FOXP1: variants seen among roughly 807,000 people sequenced by gnomAD.
The protein encoded by FOXP1 is forkhead box protein P1.
In FOXP1, 15 loss-of-function variants were observed where a neutral mutation model predicts 98.2. That is an observed-to-expected ratio of 0.15 (90% CI 0.10 to 0.24). The LOEUF (loss-of-function observed/expected upper bound fraction) is 0.24. FOXP1 is among the 10% of genes least tolerant of loss of function. FOXP1 has a pLI of 1.00. For synonymous variants in FOXP1, 371 were observed against 314.5 expected (o/e 1.18, Z -1.90); for missense variants, 633 against 848.5 (o/e 0.75, Z 3.15).
chr3:71,503,070 G>A (rs1391309968), intron 2 of FOXP1, among the ~76,000 whole-genome samples: 1 of 151,060 alleles, frequency 6.6e-6, no homozygotes, highest in Non-Finnish European at 1.5e-5. Flanking sequence ...AAAGAGTTAA[G>A]AGAAGAAAAA....
At chr3:71,574,268 A>G (rs1217399665) in intron 2 of FOXP1, 1 of 152,226 alleles carries the variant, frequency 6.6e-6, no homozygotes, top group Non-Finnish European at 1.5e-5. Context: ...GCCACACCTA[A>G]AGCCAAAATG....
At chr3:71,544,207 A>G (rs1223901686) in intron 2 of FOXP1, among the ~76,000 whole-genome samples, 5 of 151,814 alleles carry the variant, frequency 3.3e-5, no homozygotes, top group Admixed American at 6.6e-5. Flanking sequence ...AAAAATATAT[A>G]AATCCTTCTA....
At chr3:71,513,660 G>A (rs1403439239) in intron 2 of FOXP1, among the ~76,000 whole-genome samples, 3 of 152,198 alleles carry the variant, frequency 2.0e-5, no homozygotes, top group African/African-American at 7.2e-5. Context: ...AGGTGTGAAA[G>A]TTCATGATGT....
chr3:71,015,630 T>C lies in FOXP1; in HGVS notation c.893A>G (p.His298Arg). ...ACCATGTCCATAGAGAGGATGGCTA[T>C]GGGGGTGCTCCTCATGGGACAAACT... ...RESLSHEEHPHSHPLYGHGVC... is the reference protein window; with the variant it reads ...RESLSHEEHPRSHPLYGHGVC... The change falls in exon 12 of 21, where the codon CAT (histidine) becomes CGT (arginine). Residue 298 changes from histidine to arginine, a missense_variant. Transcript: ENST00000649528. The C allele has an allele frequency of 6.2e-7, 1 of 1,612,428 alleles. No individual in the cohort carries two copies. Among genetic ancestry groups the C allele is most frequent in the Non-Finnish European group, 8.5e-7 (1 of 1,178,654 alleles).
At chr3:71,087,970 T>C (rs1292923989) in intron 7 of FOXP1, among the ~76,000 whole-genome samples, 1 of 152,194 alleles carries the variant, frequency 6.6e-6, no homozygotes, top group South Asian at 2.1e-4. Flanking sequence ...CACGGCATAA[T>C]GTACCTCCCA....
At chr3:71,028,313 A>C (rs993081153) in intron 11 of FOXP1, among the ~76,000 whole-genome samples, 1 of 152,214 alleles carries the variant, frequency 6.6e-6, no homozygotes, top group African/African-American at 2.4e-5. Context: ...CCACACCATA[A>C]GGATACCAGG....
intron 12 of FOXP1, among the ~76,000 whole-genome samples, chr3:71,006,356 T>C (rs2042811407): frequency 6.6e-6 from 1 of 152,166 alleles, no homozygotes; most frequent in Non-Finnish European, 1.5e-5. Flanking sequence ...TGATCTCATC[T>C]TTCATCCTGG....
At chr3:71,471,787 G>C (rs559512219) in intron 3 of FOXP1, among the ~76,000 whole-genome samples, 1 of 152,120 alleles carries the variant, frequency 6.6e-6, no homozygotes, top group Admixed American at 6.5e-5. Flanking sequence ...ATATAATCCT[G>C]GAATACAGCG....
At chr3:71,443,513 C>T (rs1324372926) in intron 3 of FOXP1, among the ~76,000 whole-genome samples, 1 of 152,220 alleles carries the variant, frequency 6.6e-6, no homozygotes, top group African/African-American at 2.4e-5. Context: ...GATGCACACT[C>T]GAGTTGGAAA....
chr3:71,559,091 G>C (rs1040803689), intron 2 of FOXP1, among the ~76,000 whole-genome samples: 2 of 152,198 alleles, frequency 1.3e-5, no homozygotes, highest in African/African-American at 4.8e-5. Context: ...CTTAAGAGAT[G>C]GCAACTGGAC....
chr3:71,034,446 C>T lies in FOXP1; in HGVS notation c.869+6882G>A, dbSNP rs144923476. 5.9e-5 allele frequency among the ~76,000 whole-genome samples: 9 copies of T among 151,788 alleles called. No homozygotes were observed. The East Asian group carries it at 1.4e-3, about 23-fold the overall frequency. ...TAACTAGCTATGTGACGTGTGCAAG[C>T]GATAACATCATTCTGGGCCCCAGCT... On this transcript the variant is annotated intron_variant, in intron 11 of 20. Coordinates refer to ENST00000649528, the MANE Select transcript of FOXP1 (RefSeq NM_001349338.3).
intron 2 of FOXP1, among the ~76,000 whole-genome samples, chr3:71,551,386 G>A (rs913554583): frequency 6.6e-6 from 1 of 152,136 alleles, no homozygotes; most frequent in Non-Finnish European, 1.5e-5. Flanking sequence ...TTACTCAAAC[G>A]CAAGGGTAAG....
chr3:71,096,774 G>A (rs2107638741), intron 7 of FOXP1, among the ~76,000 whole-genome samples: 1 of 152,288 alleles, frequency 6.6e-6, no homozygotes, highest in Non-Finnish European at 1.5e-5. Flanking sequence ...CGAGAGTAAA[G>A]TGTCTTGAAA....
At chr3:71,219,506 T>C (rs997036998) in intron 5 of FOXP1, among the ~76,000 whole-genome samples, 6 of 152,240 alleles carry the variant, frequency 3.9e-5, no homozygotes, top group African/African-American at 1.4e-4. Flanking sequence ...AACTTGGGTA[T>C]GTGAATCTCT....
At chr3:71,415,301 T>A (rs1483386665) in intron 3 of FOXP1, among the ~76,000 whole-genome samples, 1 of 150,256 alleles carries the variant, frequency 6.7e-6, no homozygotes, top group Non-Finnish European at 1.5e-5. Flanking sequence ...GCAATTTTTT[T>A]AATCCAGCTA....
intron 2 of FOXP1, among the ~76,000 whole-genome samples, chr3:71,557,110 A>C (rs1208791651): frequency 6.6e-6 from 1 of 152,206 alleles, no homozygotes; most frequent in Non-Finnish European, 1.5e-5. Context: ...AAATACACAA[A>C]AATGTCAATA....
At chr3:71,263,186 G>A (rs1267005157) in intron 5 of FOXP1, among the ~76,000 whole-genome samples, 1 of 152,028 alleles carries the variant, frequency 6.6e-6, no homozygotes, top group Non-Finnish European at 1.5e-5. Context: ...GGCCCTTTTT[G>A]CTGTGTATGC....
chr3:71,086,586 G>C (rs1411858677), intron 7 of FOXP1, among the ~76,000 whole-genome samples: 1 of 152,082 alleles, frequency 6.6e-6, no homozygotes, highest in Non-Finnish European at 1.5e-5. Flanking sequence ...CCCATCCCAG[G>C]CTAGAGACTC....
At chr3:71,495,422 G>A (rs943742762) in intron 2 of FOXP1, among the ~76,000 whole-genome samples, 1 of 152,022 alleles carries the variant, frequency 6.6e-6, no homozygotes, top group African/African-American at 2.4e-5. Flanking sequence ...TCTTTTCATC[G>A]CAATGCTCCA....
Sources: gnomAD v4.1 joint callset for allele counts (sites outside exome capture counted in the v4.1 genomes callset) on GRCh38, gnomAD v4.1.1 for gene constraint, MANE v1.5 for transcripts, NCBI Gene and HGNC (gene_info 2026-07-23, HGNC 2026-07-21) for gene names.